Variants in FIP1L1 observed in about 807,000 individuals in gnomAD.
FIP1L1 encodes the protein factor interacting with PAPOLA and CPSF1.
In FIP1L1, 21 loss-of-function variants were observed where a neutral mutation model predicts 84.6. That is an observed-to-expected ratio of 0.25 (90% CI 0.18 to 0.36). The LOEUF is 0.36. Ranked by LOEUF, FIP1L1 falls within the 10% of genes least tolerant of loss-of-function variation. FIP1L1 has a pLI of 1.00. For missense variants in FIP1L1, 526 were observed against 751.1 expected, an observed-to-expected ratio of 0.70 and a Z score of 3.50; for synonymous variants, 263 against 242.3, an observed-to-expected ratio of 1.09 and a Z score of -0.80.
At chr4:53,414,980 T>C (rs1430697157) in intron 11 of FIP1L1, among the ~76,000 whole-genome samples, 1 of 152,140 alleles carries the variant, frequency 6.6e-6, no homozygotes, top group African/African-American at 2.4e-5. Flanking sequence ...GTAATTTTTT[T>C]TTTCGTTCTC....
chr4:53,384,643 T>A (rs1462166363), intron 5 of FIP1L1, among the ~76,000 whole-genome samples: 7 of 152,228 alleles, frequency 4.6e-5, no homozygotes, highest in African/African-American at 1.4e-4. Flanking sequence ...TGTCTCCAAT[T>A]TTGTATTCTA....
At chr4:53,378,938 A>G (rs1736262804) in intron 1 of FIP1L1, 135 bp from the exon 2 acceptor site, 1 of 854,710 alleles carries the variant, frequency 1.2e-6, no homozygotes, top group South Asian at 1.8e-5. Context: ...GATTTCTTTT[A>G]CAAAGATCTG....
chr4:53,417,899 C>G (rs1760559587), intron 11 of FIP1L1, among the ~76,000 whole-genome samples: 1 of 151,804 alleles, frequency 6.6e-6, no homozygotes, highest in African/African-American at 2.4e-5. Context: ...GATTCCTGCT[C>G]TTGTAGTTAA....
intron 11 of FIP1L1, among the ~76,000 whole-genome samples, chr4:53,415,248 G>T (rs1758977249): frequency 6.6e-6 from 1 of 152,066 alleles, no homozygotes; most frequent in Non-Finnish European, 1.5e-5. Flanking sequence ...CTACCCTCCA[G>T]TGAATTTTGG....
intron 10 of FIP1L1, among the ~76,000 whole-genome samples, chr4:53,410,405 A>G (rs1337760895): frequency 6.6e-6 from 1 of 152,180 alleles, no homozygotes; most frequent in African/African-American, 2.4e-5. Flanking sequence ...GGTCATTGTC[A>G]ACTTCCAATG....
chr4:53,427,351 CTTGTT>C (rs1212527733), intron 12 of FIP1L1, among the ~76,000 whole-genome samples: 1 of 152,132 alleles, frequency 6.6e-6, no homozygotes, highest in African/African-American at 2.4e-5. Context: ...TGCCACTTTG[CTTGTT>C]TTATTTCAGT....
At chr4:53,437,464 T>C (rs1458308751) in intron 13 of FIP1L1, among the ~76,000 whole-genome samples, 1 of 152,020 alleles carries the variant, frequency 6.6e-6, no homozygotes, top group East Asian at 1.9e-4. Flanking sequence ...GAATGGGATT[T>C]ATTTAGTCTG....
In FIP1L1 at chr4:53,458,729, GAAC is replaced by G; in HGVS notation, c.1577_1579del (p.Glu526_Arg527delinsGly). On this transcript the variant is annotated inframe_deletion, in exon 17 of 18. Transcript: ENST00000337488. Reference sequence around the variant, plus strand: ...TCACAGAGCAAGTCGAGAAAAAGAAGAACGACATAGAGAAAGACGACACAGGGA... The same window carrying G: ...TCACAGAGCAAGTCGAGAAAAAGAAGGACATAGAGAAAGACGACACAGGGA... 1 of 1,613,076 alleles carries G rather than the reference GAAC, an allele frequency of 6.2e-7. No individual in the cohort carries two copies. Among genetic ancestry groups the G allele is most frequent in the Non-Finnish European group, 8.5e-7 (1 of 1,179,446 alleles).
At position 53,384,368 on chromosome 4, in the gene FIP1L1, C is replaced by T. The variant is rs113573165; in HGVS notation, c.332+492C>T. 6.5e-3 allele frequency among the ~76,000 whole-genome samples: 990 copies of T among 151,778 alleles called. 10 individuals carry two copies. Among genetic ancestry groups the T allele is most frequent in the African/African-American group, 0.023 (955 of 41,380 alleles). On this transcript the variant is annotated intron_variant, in intron 5 of 17. Coordinates refer to ENST00000337488, the MANE Select transcript of FIP1L1 (RefSeq NM_030917.4). ...AGGTTGCGGTGAACCCAGATCGAGC[C>T]ACTGTACTCCAGCCTGGGTAACAGA...
intron 9 of FIP1L1, among the ~76,000 whole-genome samples, chr4:53,399,251 A>G (rs1459144626): frequency 6.6e-6 from 1 of 152,254 alleles, no homozygotes; most frequent in Non-Finnish European, 1.5e-5. Flanking sequence ...GTATGGATGT[A>G]CAGTAGCAGA....
intron 11 of FIP1L1, among the ~76,000 whole-genome samples, chr4:53,420,447 AAGAT>A (rs1761937109): frequency 1.1e-5 from 1 of 94,144 alleles, no homozygotes. Flanking sequence ...AAAAAAAAAA[AAGAT>A]AAATCAGACA....
intron 5 of FIP1L1, among the ~76,000 whole-genome samples, chr4:53,386,999 G>A (rs563193777): frequency 6.6e-6 from 1 of 152,238 alleles, no homozygotes; most frequent in South Asian, 2.1e-4. Context: ...TAGGTTTTTA[G>A]ACAGGTCATA....
intron 10 of FIP1L1, among the ~76,000 whole-genome samples, chr4:53,401,227 A>G (rs913516400): frequency 1.3e-5 from 2 of 152,192 alleles, no homozygotes; most frequent in Non-Finnish European, 2.9e-5. Context: ...AAAAATCAAT[A>G]GTTTTTCTGT....
At chr4:53,410,648 A>G (rs373317765) in intron 10 of FIP1L1, among the ~76,000 whole-genome samples, 2 of 152,264 alleles carry the variant, frequency 1.3e-5, no homozygotes, top group African/African-American at 4.8e-5. Context: ...TCATTAGCAG[A>G]AAAAATAAAG....
intron 1 of FIP1L1, 76 bp downstream of exon 1, chr4:53,377,999 G>T: frequency 2.3e-6 from 3 of 1,292,266 alleles, no homozygotes; most frequent in Non-Finnish European, 3.1e-6. Flanking sequence ...CGGCGTCCCT[G>T]GCCTCTCGCG....
At chr4:53,403,794 C>T (rs1248681230) in intron 10 of FIP1L1, among the ~76,000 whole-genome samples, 2 of 152,058 alleles carry the variant, frequency 1.3e-5, no homozygotes, top group African/African-American at 4.8e-5. Flanking sequence ...GCAGGCATTG[C>T]AGTTTTTGGT....
intron 16 of FIP1L1, among the ~76,000 whole-genome samples, chr4:53,458,286 C>G (rs2150494228): frequency 6.6e-6 from 1 of 151,822 alleles, no homozygotes; most frequent in Admixed American, 6.6e-5. Flanking sequence ...TATTTTAATT[C>G]TAAAAGGAGC....
At position 53,452,964 on chromosome 4, in the gene FIP1L1, C is replaced by T. The variant is rs1222597263; in HGVS notation, c.1330C>T (p.Leu444Phe). ...TGGTTCTGCTCCTTCGTGGCCTAGT[C>T]TTGTGGACACCAGCAAGCAGTGGGA... ...LPGSAPSWPS[L>F]VDTSKQWDYY... The change falls in exon 16 of 18, where the codon CTT becomes TTT. Residue 444 changes from leucine to phenylalanine, a missense_variant. Physicochemically the swap from Leu to Phe is conservative, Grantham distance 22 (BLOSUM62 0). Transcript: ENST00000337488. The T allele has an allele frequency of 2.5e-6, 4 of 1,613,232 alleles. No homozygotes were observed. In the African/African-American group the frequency reaches 4.0e-5, roughly 16 times the overall value.
chr4:53,398,718 A>C (rs1748695712), intron 9 of FIP1L1, among the ~76,000 whole-genome samples: 1 of 152,254 alleles, frequency 6.6e-6, no homozygotes, highest in Admixed American at 6.5e-5. Flanking sequence ...GTATAAAAGC[A>C]GAAGAGCATA....
Sources: gnomAD v4.1 joint callset for allele counts (sites outside exome capture counted in the v4.1 genomes callset) on GRCh38, gnomAD v4.1.1 for gene constraint, MANE v1.5 for transcripts, NCBI Gene and HGNC (gene_info 2026-07-23, HGNC 2026-07-21) for gene names.